The following FOXO3 variants were observed in gnomAD, a reference collection of about 807,000 sequenced individuals.
FOXO3 encodes forkhead box protein O3.
A neutral mutation model predicts 41.9 loss-of-function variants in FOXO3; 4 were observed. The observed-to-expected ratio is 0.10, with a 90% CI of 0.05 to 0.22. The LOEUF (loss-of-function observed/expected upper bound fraction) is 0.22. FOXO3 is among the 10% of genes least tolerant of loss of function. The pLI is 1.00. For synonymous variants in FOXO3, 318 were observed against 389.3 expected (o/e 0.82, Z 2.16); for missense variants, 534 against 906.8 (o/e 0.59, Z 5.28).
intron 1 of FOXO3, among the ~76,000 whole-genome samples, chr6:108,650,938 A>C (rs1308825089): frequency 2.0e-5 from 3 of 152,142 alleles, no homozygotes; most frequent in African/African-American, 7.2e-5. Flanking sequence ...TAATACCATT[A>C]TATTGGTCAT....
intron 1 of FOXO3, among the ~76,000 whole-genome samples, chr6:108,649,360 C>T (rs1047783978): frequency 3.3e-5 from 5 of 152,022 alleles, no homozygotes; most frequent in South Asian, 2.1e-4. Flanking sequence ...GATAGTCCTA[C>T]CTTGAAAGAT....
intron 1 of FOXO3, among the ~76,000 whole-genome samples, chr6:108,653,888 T>C (rs1562259096): frequency 6.6e-6 from 1 of 152,236 alleles, no homozygotes; most frequent in Non-Finnish European, 1.5e-5. Context: ...CCATTTTGTG[T>C]GGCTAATTTG....
intron 1 of FOXO3, among the ~76,000 whole-genome samples, chr6:108,568,872 G>A (rs908673544): frequency 3.9e-5 from 6 of 152,180 alleles, no homozygotes; most frequent in Admixed American, 3.9e-4. Context: ...CTCCATAAGT[G>A]TCCATCACTA....
intron 1 of FOXO3, among the ~76,000 whole-genome samples, chr6:108,626,760 AT>A (rs1237891024): frequency 1.3e-5 from 2 of 152,048 alleles, no homozygotes; most frequent in Middle Eastern, 3.4e-3. Context: ...GTTTTAGGTG[AT>A]TTTTATATCC....
intron 1 of FOXO3, among the ~76,000 whole-genome samples, chr6:108,628,831 T>C (rs760115077): frequency 2.0e-5 from 3 of 151,990 alleles, no homozygotes; most frequent in Non-Finnish European, 4.4e-5. Context: ...GGAAGAATCT[T>C]GGGTGGGTGA....
At chr6:108,613,500 G>T (rs967334235) in intron 1 of FOXO3, among the ~76,000 whole-genome samples, 1 of 152,030 alleles carries the variant, frequency 6.6e-6, no homozygotes, top group African/African-American at 2.4e-5. Context: ...TATTTAAGTT[G>T]TCTAATTTAT....
intron 1 of FOXO3, among the ~76,000 whole-genome samples, chr6:108,605,086 T>C (rs1777156917): frequency 6.6e-6 from 1 of 152,208 alleles, no homozygotes; most frequent in Non-Finnish European, 1.5e-5. Context: ...AGTCACACTC[T>C]TTATCATGGG....
intron 1 of FOXO3, among the ~76,000 whole-genome samples, chr6:108,637,619 C>T (rs1461054698): frequency 1.3e-5 from 2 of 152,156 alleles, no homozygotes; most frequent in African/African-American, 2.4e-5. Context: ...TTCTGGAAGA[C>T]TTTATTTCCA....
chr6:108,577,787 A>G (rs930964226), intron 1 of FOXO3, among the ~76,000 whole-genome samples: 8 of 152,234 alleles, frequency 5.3e-5, no homozygotes, highest in South Asian at 2.1e-4. Flanking sequence ...GAAGCTCCAC[A>G]TGACAAGGAG....
intron 1 of FOXO3, among the ~76,000 whole-genome samples, chr6:108,602,310 TTC>T (rs1777074335): frequency 1.3e-5 from 2 of 152,174 alleles, no homozygotes; most frequent in Non-Finnish European, 2.9e-5. Flanking sequence ...AAAGTGCCCA[TTC>T]TCATACCCTT....
rs139741999 is a variant in FOXO3, at chr6:108,666,449, C to T, written c.*34+1560C>T. ...CTTCCAGGTTCACGCCATTCTCCTG[C>T]CTCAGCCTCCTGAGTAGCTGGGACT... is the stretch of plus-strand genomic sequence containing the variant. On this transcript the variant is annotated intron_variant, in intron 2 of 2. Coordinates refer to ENST00000406360, the MANE Select transcript of FOXO3 (RefSeq NM_001455.4). Among the ~76,000 whole-genome samples, 1,369 of 152,014 alleles carry T rather than the reference C, an allele frequency of 9.0e-3. 12 individuals are homozygous for T. Among genetic ancestry groups the T allele is most frequent in the Middle Eastern group, 0.02 (6 of 294 alleles).
intron 1 of FOXO3, among the ~76,000 whole-genome samples, chr6:108,640,603 T>C (rs927063533): frequency 6.6e-6 from 1 of 152,240 alleles, no homozygotes; most frequent in Admixed American, 6.5e-5. Context: ...GTGAACATTT[T>C]AGCATTTGTT....
chr6:108,560,652 C>T (rs1232836090), upstream of FOXO3, among the ~76,000 whole-genome samples: 1 of 151,996 alleles, frequency 6.6e-6, no homozygotes, highest in Admixed American at 6.5e-5. Flanking sequence ...GGCGGCGCCG[C>T]GGGAGGCACT....
intron 1 of FOXO3, among the ~76,000 whole-genome samples, chr6:108,581,886 G>A (rs113005680): frequency 0.021 from 3,193 of 152,138 alleles, 115 homozygotes; most frequent in African/African-American, 0.071. Context: ...TCTGTGGCTC[G>A]CTGCCAAGAC....
At position 108,637,200 on chromosome 6, in the gene FOXO3, G is replaced by A. The variant is rs140413776; in HGVS notation, c.622-26255G>A. ...GGCTATTTTTCTGTTACCTGTTTTT[G>A]TCTTCCTTAATTGTCTAGTTTAGCA... On this transcript the variant is annotated intron_variant, in intron 1 of 2. Coordinates refer to ENST00000406360, the MANE Select transcript of FOXO3 (RefSeq NM_001455.4). 6.5e-3 allele frequency among the ~76,000 whole-genome samples: 997 copies of A among 152,224 alleles called. 20 individuals are homozygous for A. The highest frequency in any genetic ancestry group is 0.047 in the South Asian group (228 of 4,824).
chr6:108,655,715 C>G (rs1176680546), intron 1 of FOXO3, among the ~76,000 whole-genome samples: 1 of 152,136 alleles, frequency 6.6e-6, no homozygotes, highest in African/African-American at 2.4e-5. Context: ...CATTATACAC[C>G]GAAGGCGCCC....
chr6:108,631,603 G>A (rs1299201517), intron 1 of FOXO3, among the ~76,000 whole-genome samples: 6 of 151,428 alleles, frequency 4.0e-5, no homozygotes, highest in African/African-American at 1.5e-4. Context: ...TTTCTCTCTT[G>A]ACATTTTTCC....
At chr6:108,639,133 T>C (rs1171708946) in intron 1 of FOXO3, among the ~76,000 whole-genome samples, 1 of 152,182 alleles carries the variant, frequency 6.6e-6, no homozygotes, top group African/African-American at 2.4e-5. Flanking sequence ...TGGAGACACC[T>C]GGAGGCCTGG....
In FOXO3 at chr6:108,616,252, C is replaced by T. The variant is rs527428387; in HGVS notation, c.622-47203C>T. ...CAGTCTCGGCTCACTGCAAGCTCCG[C>T]CTCGTGGGTTCACACCATTCTCCTA... On this transcript the variant is annotated intron_variant, in intron 1 of 2. Transcript: ENST00000406360. 5.3e-5 allele frequency among the ~76,000 whole-genome samples: 8 copies of T among 150,898 alleles called. No homozygotes were observed. The East Asian group carries it at 9.7e-4, about 18-fold the overall frequency.
Sources: gnomAD v4.1 joint callset for allele counts (sites outside exome capture counted in the v4.1 genomes callset) on GRCh38, gnomAD v4.1.1 for gene constraint, MANE v1.5 for transcripts, NCBI Gene and HGNC (gene_info 2026-07-23, HGNC 2026-07-21) for gene names.